The following CPS1 variants were observed in gnomAD, a reference collection of about 807,000 sequenced individuals.
The protein encoded by CPS1 is carbamoyl-phosphate synthase [ammonia], mitochondrial.
In CPS1, 109 loss-of-function variants were observed where a neutral mutation model predicts 174.6. The ratio of observed to expected loss-of-function variants is 0.62; its 90% confidence interval spans 0.53 to 0.73. CPS1 has a LOEUF of 0.73. Ranked by LOEUF, CPS1 falls within the 30% of genes least tolerant of loss-of-function variation. CPS1 has a pLI of 0.00. For missense variants in CPS1, 1,689 were observed against 1,821.9 expected (o/e 0.93, Z 1.33); for synonymous variants, 637 against 632.0 (o/e 1.01, Z -0.12).
At chr2:210,634,018 C>G (rs1193346437) in intron 21 of CPS1, among the ~76,000 whole-genome samples, 1 of 152,198 alleles carries the variant, frequency 6.6e-6, no homozygotes, top group African/African-American at 2.4e-5. Context: ...TTGTCAAGCA[C>G]TTCCACCGAA....
chr2:210,575,516 G>GCACACA (rs71395588), intron 2 of CPS1, among the ~76,000 whole-genome samples: 2,342 of 145,902 alleles, frequency 0.016, 61 homozygotes, highest in African/African-American at 0.055. Flanking sequence ...ATATGTATAT[G>GCACACA]CACACACACA....
At chr2:210,551,523 A>G (rs1389247218) in intron 1 of CPS1, among the ~76,000 whole-genome samples, 2 of 151,948 alleles carry the variant, frequency 1.3e-5, no homozygotes. Flanking sequence ...TGTACTGACT[A>G]ACTTGTTCTC....
intron 1 of CPS1, among the ~76,000 whole-genome samples, chr2:210,522,009 C>T (rs1313658276): frequency 6.6e-6 from 1 of 151,932 alleles, no homozygotes; most frequent in Non-Finnish European, 1.5e-5. Flanking sequence ...CACATATAGA[C>T]TATGGCTAAT....
chr2:210,582,131 A>G (rs1334292419), intron 5 of CPS1, among the ~76,000 whole-genome samples: 1 of 152,186 alleles, frequency 6.6e-6, no homozygotes, highest in East Asian at 1.9e-4. Context: ...TTCAAATTCT[A>G]GAAGTTTATG....
chr2:210,498,270 T>C (rs1695054847), intron 1 of CPS1, among the ~76,000 whole-genome samples: 1 of 152,110 alleles, frequency 6.6e-6, no homozygotes, highest in Non-Finnish European at 1.5e-5. Context: ...CATTTTTTAA[T>C]GGGGTTTGAG....
At chr2:210,497,386 A>T (rs1202502790) in intron 1 of CPS1, among the ~76,000 whole-genome samples, 2 of 152,012 alleles carry the variant, frequency 1.3e-5, no homozygotes, top group African/African-American at 2.4e-5. Flanking sequence ...TTTTTATTTA[A>T]TTTTTTTATA....
At chr2:210,522,468 C>T (rs922566779) in intron 1 of CPS1, among the ~76,000 whole-genome samples, 1 of 151,752 alleles carries the variant, frequency 6.6e-6, no homozygotes, top group African/African-American at 2.4e-5. Flanking sequence ...AAGAAAAAGG[C>T]CAAGAGAATT....
chr2:210,664,828 C>T (rs777364020), intron 33 of CPS1, among the ~76,000 whole-genome samples: 6 of 151,810 alleles, frequency 4.0e-5, no homozygotes, highest in Non-Finnish European at 7.4e-5. Context: ...TATAATATTA[C>T]GAGGTCTGTT....
chr2:210,507,116 G>A (rs897412675), intron 1 of CPS1, among the ~76,000 whole-genome samples: 4 of 152,180 alleles, frequency 2.6e-5, no homozygotes, highest in African/African-American at 7.2e-5. Context: ...AATGTTAAGG[G>A]CAGCCAGAGA....
At chr2:210,477,727 TA>T in exon 1 of CPS1, 1 of 1,612,868 alleles carries the variant, frequency 6.2e-7, no homozygotes, top group Non-Finnish European at 8.5e-7. Context: ...GTTGCTTTCT[TA>T]ACCTCATCAA....
At chr2:210,677,814 A>T in intron 37 of CPS1, 73 bp from the exon 38 acceptor site, 1 of 1,191,956 alleles carries the variant, frequency 8.4e-7, no homozygotes, top group Non-Finnish European at 1.3e-6. Flanking sequence ...GACACTTGTG[A>T]CTTTTGTCTT....
intron 1 of CPS1, among the ~76,000 whole-genome samples, chr2:210,543,534 C>T (rs536214333): frequency 3.3e-5 from 5 of 152,126 alleles, no homozygotes; most frequent in East Asian, 1.9e-4. Context: ...TCTCAGTTTC[C>T]TCGGACTGTT....
chr2:210,675,112 A>C, intron 35 of CPS1, 151 bp downstream of exon 35: 3 of 688,302 alleles, frequency 4.4e-6, no homozygotes, highest in Non-Finnish European at 7.8e-6. Flanking sequence ...CTTAGAGTCA[A>C]ATCATTAAAA....
chr2:210,479,803 T>A (rs1210128785), intron 1 of CPS1, among the ~76,000 whole-genome samples: 1 of 152,170 alleles, frequency 6.6e-6, no homozygotes, highest in Non-Finnish European at 1.5e-5. Flanking sequence ...TTTAGGATGA[T>A]TTTTTAAAAA....
At chr2:210,488,821 AT>A (rs1694791394) in intron 1 of CPS1, among the ~76,000 whole-genome samples, 1 of 152,056 alleles carries the variant, frequency 6.6e-6, no homozygotes, top group Non-Finnish European at 1.5e-5. Flanking sequence ...TTGATTTATA[AT>A]TGTATTCCAT....
intron 10 of CPS1, among the ~76,000 whole-genome samples, 178 bp downstream of exon 10, chr2:210,592,147 G>A (rs1224330500): frequency 2.0e-5 from 3 of 151,904 alleles, no homozygotes; most frequent in East Asian, 1.9e-4. Context: ...TTATTTCTTT[G>A]TATTGAGAAC....
rs952343220 is a variant in CPS1, at chr2:210,616,302, T to A, written c.2569-121T>A. 6.2e-5 allele frequency: 46 copies of A among 743,872 alleles called. No homozygotes were observed. The Admixed American group carries it at 7.8e-4, about 13-fold the overall frequency. The allele number at this position is 743,872 out of a possible 1,614,324, so 46.1% of individuals were successfully genotyped here. On this transcript the variant is annotated intron_variant, in intron 20 of 37. Transcript: ENST00000233072. ...TGATGTCAGTTTCATGTTTTGTAAC[T>A]CAGTCTACAGTCTCGGGCTCTCTAA... is the stretch of plus-strand genomic sequence containing the variant.
intron 24 of CPS1, 141 bp from the exon 25 acceptor site, chr2:210,642,343 T>A (rs1169219486): frequency 1.0e-6 from 1 of 983,296 alleles, no homozygotes; most frequent in Non-Finnish European, 1.6e-6. Context: ...GGTTTGAAAT[T>A]TATATCTTGG....
At chr2:210,585,251 T>TAA (rs748942752) in intron 6 of CPS1, among the ~76,000 whole-genome samples, 3 of 152,016 alleles carry the variant, frequency 2.0e-5, no homozygotes, top group Non-Finnish European at 4.4e-5. Context: ...ACAAAGCCAG[T>TAA]AAATGGTAGT....
Sources: gnomAD v4.1 joint callset for allele counts (sites outside exome capture counted in the v4.1 genomes callset) on GRCh38, gnomAD v4.1.1 for gene constraint, MANE v1.5 for transcripts, NCBI Gene and HGNC (gene_info 2026-07-23, HGNC 2026-07-21) for gene names.